The following LTN1 variants were observed in gnomAD, a reference collection of about 807,000 sequenced individuals.
LTN1 encodes listerin E3 ubiquitin protein ligase 1.
In LTN1, 88 loss-of-function variants were observed where a neutral mutation model predicts 201.2. The observed-to-expected ratio is 0.44, with a 90% CI of 0.37 to 0.52. LTN1 has a LOEUF of 0.52. LTN1 is among the 20% of genes least tolerant of loss of function. The pLI is 0.00. For missense variants in LTN1, 1,752 were observed against 2,038.7 expected, an observed-to-expected ratio of 0.86 and a Z score of 2.71; for synonymous variants, 645 against 713.5, an observed-to-expected ratio of 0.90 and a Z score of 1.53.
chr21:28,953,168 T>C, intron 17 of LTN1, 49 bp downstream of exon 17: 1 of 1,414,402 alleles, frequency 7.1e-7, no homozygotes, highest in Non-Finnish European at 9.5e-7. Context: ...GGCAAAGCCA[T>C]AAAGAAGTAG....
At chr21:28,940,163 G>A (rs1203618577) in intron 25 of LTN1, among the ~76,000 whole-genome samples, 1 of 152,198 alleles carries the variant, frequency 6.6e-6, no homozygotes, top group Non-Finnish European at 1.5e-5. Context: ...TTCAATCAAA[G>A]ATTGACAGAG....
At chr21:28,976,479 A>T (rs2084615898) in intron 6 of LTN1, among the ~76,000 whole-genome samples, 1 of 151,998 alleles carries the variant, frequency 6.6e-6, no homozygotes, top group Non-Finnish European at 1.5e-5. Flanking sequence ...ACGTGCTTGT[A>T]ATTCCAGCTA....
intron 7 of LTN1, 96 bp from the exon 8 acceptor site, chr21:28,970,838 A>T: frequency 1.1e-6 from 1 of 941,978 alleles, no homozygotes; most frequent in Non-Finnish European, 1.5e-6. Context: ...AAGAAAAACC[A>T]AGTATTTTAC....
chr21:28,969,161 C>A (rs1264364597), intron 9 of LTN1, among the ~76,000 whole-genome samples: 2 of 151,702 alleles, frequency 1.3e-5, no homozygotes, highest in East Asian at 4.0e-4. Flanking sequence ...GCAGAGGTTG[C>A]AGTGAGCTGA....
At chr21:28,968,194 C>G (rs2084542515) in intron 9 of LTN1, among the ~76,000 whole-genome samples, 1 of 152,138 alleles carries the variant, frequency 6.6e-6, no homozygotes, top group Non-Finnish European at 1.5e-5. Context: ...CTCAATTATT[C>G]CTTTTTCATG....
At position 28,973,346 on chromosome 21, in the gene LTN1, C is replaced by CAA. The variant is rs771261669; in HGVS notation, c.811-1904_811-1903dup. Among the ~76,000 whole-genome samples, 599 of 60,804 alleles carry CAA rather than the reference C, an allele frequency of 9.9e-3. 1 individual carries two copies. The highest frequency in any genetic ancestry group is 0.031 in the East Asian group (63 of 2,044). 39.9% of individuals were successfully genotyped at this position (60,804 alleles called of 152,430 possible). ...TGGGTGACAAAGCAAGAATCCGTCC[C>CAA]AAAAAAAAAAAAAAAAAAAAAAGAA... On this transcript the variant is annotated intron_variant, in intron 6 of 29. Coordinates refer to ENST00000361371, the MANE Select transcript of LTN1 (RefSeq NM_015565.3).
In LTN1 at chr21:28,943,715, A is replaced by G; in HGVS notation, c.4172T>C (p.Leu1391Pro). 6.2e-7 allele frequency: 1 copy of G among 1,613,852 alleles called. No homozygotes were observed. Among genetic ancestry groups the G allele is most frequent in the Non-Finnish European group, 8.5e-7 (1 of 1,179,828 alleles). Residue 1391 changes from leucine (L) to proline (P), a missense_variant, in exon 23 of 30, where the codon CTC becomes CCC. Leu to Pro is a moderately conservative substitution (Grantham distance 98, BLOSUM62 -3). Around this residue, in one of 3 missense-constraint regions of LTN1, gnomAD observed 1,211 missense variants for 1,312.8 expected, o/e 0.92. Coordinates refer to ENST00000361371, the MANE Select transcript of LTN1 (RefSeq NM_015565.3). ...TLLNTLAPLL[L>P]FRARPVQIAV... is the part of the protein sequence containing the mutation. The stretch of plus-strand genomic sequence containing the variant: ...AATTTGCACAGGCCTAGCTCTGAAG[A>G]GGAGTAATGGGGCCAATGTATTTAA...
intron 21 of LTN1, 143 bp downstream of exon 21, chr21:28,945,664 A>G: frequency 1.5e-6 from 1 of 648,602 alleles, no homozygotes; most frequent in Non-Finnish European, 2.5e-6. Context: ...AGTAGCTGGT[A>G]AGAAGAACAT....
chr21:28,950,641 G>A (rs8127984), intron 18 of LTN1, among the ~76,000 whole-genome samples: 1 of 151,798 alleles, frequency 6.6e-6, no homozygotes. Context: ...TCAGCCTCCT[G>A]AGTAGCTGCA....
intron 1 of LTN1, among the ~76,000 whole-genome samples, chr21:28,987,782 C>T (rs2084709571): frequency 6.6e-6 from 1 of 152,212 alleles, no homozygotes; most frequent in African/African-American, 2.4e-5. Flanking sequence ...CACAACCCAT[C>T]TAAAGTCATC....
rs1386723614 is a variant in LTN1 at position 28,938,672 on chromosome 21, T to C, written c.4483-1975A>G. Among the ~76,000 whole-genome samples the C allele has an allele frequency of 4.6e-5, 7 of 152,110 alleles. No homozygotes were observed. In the South Asian group the frequency reaches 1.4e-3, roughly 31 times the overall value. ...GCCAAAAAAAAGGAAACAACCTAAA[T>C]GCCCATTAATGGATAAACAGATAGA... On this transcript the variant is annotated intron_variant, in intron 25 of 29. Transcript: ENST00000361371.
At chr21:28,942,840 C>T (rs2084307649) in intron 24 of LTN1, among the ~76,000 whole-genome samples, 2 of 152,120 alleles carry the variant, frequency 1.3e-5, no homozygotes, top group Admixed American at 6.6e-5. Context: ...TTTCTTAGCA[C>T]TTATCATATA....
chr21:28,939,043 A>T (rs1286199981), intron 25 of LTN1, among the ~76,000 whole-genome samples: 2 of 152,230 alleles, frequency 1.3e-5, no homozygotes, highest in Admixed American at 6.5e-5. Flanking sequence ...ACATCTGAGA[A>T]TTCAACCAAT....
intron 24 of LTN1, 150 bp downstream of exon 24, chr21:28,943,111 AT>A: frequency 2.0e-6 from 1 of 500,802 alleles, no homozygotes; most frequent in Non-Finnish European, 3.6e-6. Flanking sequence ...TGAAATCTAT[AT>A]TTCATTTATA....
At position 28,986,780 on chromosome 21, in the gene LTN1, C is replaced by T. The variant is rs2146318943; in HGVS notation, c.197G>A (p.Arg66Gln). The T allele has an allele frequency of 1.2e-6, 2 of 1,614,060 alleles. No individual in the cohort carries two copies. Among genetic ancestry groups the T allele is most frequent in the South Asian group, 1.1e-5 (1 of 91,060 alleles). ...EIDSLVDSDF[R>Q]MVLRKLSKKD... ...CTTTGAAAGTTTCCGCAGCACCATTCGGAAATCAGAATCTACAAGACTGTC... is the reference window on the plus strand; with the variant it reads ...CTTTGAAAGTTTCCGCAGCACCATTTGGAAATCAGAATCTACAAGACTGTC... Residue 66 changes from arginine (R) to glutamine (Q), a missense_variant, in exon 2 of 30, where the codon CGA becomes CAA. Around this residue, in one of 3 missense-constraint regions of LTN1, gnomAD observed 280 missense variants for 375.7 expected, o/e 0.75. Coordinates refer to ENST00000361371, the MANE Select transcript of LTN1 (RefSeq NM_015565.3). The surrounding 1 kb of genome is among the most constrained non-coding windows in gnomAD (Gnocchi z 4.1).
At position 28,947,564 on chromosome 21, in the gene LTN1, A is replaced by C; in HGVS notation, c.3387T>G (p.Ser1129Arg). The C allele has an allele frequency of 6.3e-7, 1 of 1,590,882 alleles. No homozygotes were observed. Among genetic ancestry groups the C allele is most frequent in the Non-Finnish European group, 8.5e-7 (1 of 1,173,024 alleles). ...CTTCTTTTGACAAAAATGGACATAGACTTTGAATGGTATGCAAATTGCCTT... is the reference window on the plus strand; with the variant it reads ...CTTCTTTTGACAAAAATGGACATAGCCTTTGAATGGTATGCAAATTGCCTT... ...LTEGNLHTIQSLCPFLSKEEK... is the reference protein window; with the variant it reads ...LTEGNLHTIQRLCPFLSKEEK... Residue 1129 changes from serine (S) to arginine (R), a missense_variant, in exon 19 of 30, where the codon AGT (serine) becomes AGG (arginine). Coordinates refer to ENST00000361371, the MANE Select transcript of LTN1 (RefSeq NM_015565.3).
At chr21:28,949,479 T>C (rs772984752) in intron 18 of LTN1, among the ~76,000 whole-genome samples, 23 of 152,174 alleles carry the variant, frequency 1.5e-4, no homozygotes, top group Non-Finnish European at 3.1e-4. Context: ...AAACTGAAAC[T>C]CTACCCACTA....
rs749384339 is a variant in LTN1 at position 28,970,779 on chromosome 21, C to T, written c.985-37G>A. On this transcript the variant is annotated intron_variant, in intron 7 of 29. Transcript: ENST00000361371. Reference sequence around the variant, plus strand: ...AAAGATTATAGTAGTAATTAGAGATCATAAACATACTTTTCTCAATTAAAA... The same window carrying T: ...AAAGATTATAGTAGTAATTAGAGATTATAAACATACTTTTCTCAATTAAAA... The T allele has an allele frequency of 2.8e-6, 4 of 1,446,322 alleles. No individual in the cohort carries two copies. In the Admixed American group the frequency reaches 5.8e-5, roughly 21 times the overall value. The allele number at this position is 1,446,322 out of a possible 1,614,324, so 89.6% of individuals were successfully genotyped here.
intron 6 of LTN1, among the ~76,000 whole-genome samples, chr21:28,976,154 G>C: frequency 6.6e-6 from 1 of 151,998 alleles, no homozygotes. Context: ...TATTGTAGTG[G>C]TTATATAAGT....
Sources: allele counts gnomAD v4.1 joint callset (sites outside exome capture counted in the v4.1 genomes callset), GRCh38; gene constraint gnomAD v4.1.1; regional missense constraint gnomAD v4.1.1; non-coding constraint Gnocchi (gnomAD v3.1); transcripts MANE v1.5; gene names NCBI Gene and HGNC (gene_info 2026-07-23, HGNC 2026-07-21).